UNC5D: variants seen among roughly 807,000 people sequenced by gnomAD.
UNC5D encodes the protein netrin receptor UNC5D.
A neutral mutation model predicts 105.4 loss-of-function variants in UNC5D; 39 were observed. The ratio of observed to expected loss-of-function variants is 0.37; its 90% CI spans 0.29 to 0.48. UNC5D has a LOEUF of 0.48. Among genes scored for constraint, UNC5D ranks in the 20% least tolerant of loss-of-function variants. The probability of loss-of-function intolerance (pLI) is 0.98; values close to 1 mark genes in which losing one functional copy is unlikely to be tolerated. For synonymous variants in UNC5D, 452 were observed against 450.4 expected, an observed-to-expected ratio of 1.00 and a Z score of -0.04; for missense variants, 991 against 1,202.4, an observed-to-expected ratio of 0.82 and a Z score of 2.60.
rs972359324 is a variant in UNC5D, at chr8:35,554,462, T to G, written c.322+4952T>G. On this transcript the variant is annotated intron_variant, in intron 2 of 16. Transcript: ENST00000404895. The stretch of plus-strand genomic sequence containing the variant: ...ATGGGAACTCGTCTTCCTTGTGTTG[T>G]TCTTCTGTTAACATCTGGAAGCTCA... Among the ~76,000 whole-genome samples, 5 of 152,362 alleles carry G rather than the reference T, an allele frequency of 3.3e-5. No homozygotes were observed. The East Asian group carries it at 9.7e-4, about 29-fold the overall frequency.
chr8:35,485,444 G>A (rs188821562), intron 1 of UNC5D, among the ~76,000 whole-genome samples: 241 of 152,190 alleles, frequency 1.6e-3, no homozygotes, highest in African/African-American at 5.5e-3. Context: ...TGCTACATAC[G>A]GAGTATCTCA....
intron 1 of UNC5D, among the ~76,000 whole-genome samples, chr8:35,365,241 T>A (rs1802047303): frequency 6.6e-6 from 1 of 152,122 alleles, no homozygotes; most frequent in African/African-American, 2.4e-5. Context: ...GTGTCTGGTA[T>A]ATCCCTCCTG....
At chr8:35,781,480 AAACT>A (rs1363313669) in intron 16 of UNC5D, among the ~76,000 whole-genome samples, 4 of 152,134 alleles carry the variant, frequency 2.6e-5, no homozygotes, top group Non-Finnish European at 5.9e-5. Flanking sequence ...TCCTTCCTAT[AAACT>A]AACGTTTTCA....
chr8:35,659,717 G>A (rs74682946), intron 4 of UNC5D, among the ~76,000 whole-genome samples: 1,894 of 152,320 alleles, frequency 0.012, 52 homozygotes, highest in African/African-American at 0.044. Flanking sequence ...CAGCAAGTGC[G>A]TGTTCCATGA....
chr8:35,313,982 G>C (rs1809092864), intron 1 of UNC5D, among the ~76,000 whole-genome samples: 1 of 152,136 alleles, frequency 6.6e-6, no homozygotes, highest in South Asian at 2.1e-4. Flanking sequence ...GCGCAAGAAA[G>C]GTGTCAGGAG....
At chr8:35,485,392 T>G (rs941035020) in intron 1 of UNC5D, among the ~76,000 whole-genome samples, 1 of 152,184 alleles carries the variant, frequency 6.6e-6, no homozygotes, top group Non-Finnish European at 1.5e-5. Context: ...ATTTTCAGAT[T>G]CCAGAATGTT....
chr8:35,423,581 G>T (rs1806050532), intron 1 of UNC5D, among the ~76,000 whole-genome samples: 1 of 152,152 alleles, frequency 6.6e-6, no homozygotes, highest in African/African-American at 2.4e-5. Context: ...GTAATAAACA[G>T]GAAAATGGCA....
At chr8:35,349,314 A>G (rs1812040531) in intron 1 of UNC5D, among the ~76,000 whole-genome samples, 1 of 151,992 alleles carries the variant, frequency 6.6e-6, no homozygotes, top group Non-Finnish European at 1.5e-5. Flanking sequence ...TAGCCTGCAT[A>G]TCTTTACCCA....
At chr8:35,753,204 G>A (rs1459152052) in intron 13 of UNC5D, among the ~76,000 whole-genome samples, 2 of 152,158 alleles carry the variant, frequency 1.3e-5, no homozygotes, top group African/African-American at 4.8e-5. Flanking sequence ...TTTTTAGACA[G>A]TGCTAGGGAG....
intron 1 of UNC5D, among the ~76,000 whole-genome samples, chr8:35,452,034 T>C (rs565424308): frequency 2.0e-5 from 3 of 152,292 alleles, no homozygotes; most frequent in Admixed American, 1.3e-4. Context: ...TGTTACTTCT[T>C]CCTATAGGGG....
intron 1 of UNC5D, among the ~76,000 whole-genome samples, chr8:35,388,280 C>T (rs578230421): frequency 1.3e-5 from 2 of 152,162 alleles, no homozygotes; most frequent in African/African-American, 4.8e-5. Flanking sequence ...TGGAGAATCG[C>T]TTGAACCTGG....
chr8:35,252,832 T>G, intron 1 of UNC5D, among the ~76,000 whole-genome samples: 1 of 152,178 alleles, frequency 6.6e-6, no homozygotes, highest in Non-Finnish European at 1.5e-5. Context: ...TACTGCCAAT[T>G]ATTTCAGCAA....
chr8:35,267,176 C>A (rs1319247159), intron 1 of UNC5D, among the ~76,000 whole-genome samples: 3 of 148,946 alleles, frequency 2.0e-5, no homozygotes, highest in Non-Finnish European at 3.0e-5. Context: ...CAAGTGTAAT[C>A]ACTGATTGAG....
chr8:35,347,363 T>G (rs1268671789), intron 1 of UNC5D, among the ~76,000 whole-genome samples: 1 of 152,036 alleles, frequency 6.6e-6, no homozygotes, highest in Non-Finnish European at 1.5e-5. Context: ...TTGAGGATTT[T>G]GCTTACATGT....
rs535442557 is a variant in UNC5D at position 35,250,842 on chromosome 8, C to T, written c.103+14955C>T. 4.6e-5 allele frequency among the ~76,000 whole-genome samples: 7 copies of T among 152,156 alleles called. No individual in the cohort carries two copies. The South Asian group carries it at 1.5e-3, about 32-fold the overall frequency. On this transcript the variant is annotated intron_variant, in intron 1 of 16. Coordinates refer to ENST00000404895, the MANE Select transcript of UNC5D (RefSeq NM_080872.4). The stretch of plus-strand genomic sequence containing the variant: ...CCTCCTTCCCCCACTCTAGTAGTCC[C>T]CAGTGTCTCTTGCCGCCATCTTTAT...
At chr8:35,502,440 T>G (rs1812032976) in intron 1 of UNC5D, among the ~76,000 whole-genome samples, 1 of 152,222 alleles carries the variant, frequency 6.6e-6, no homozygotes, top group African/African-American at 2.4e-5. Context: ...CTCCCTGGAC[T>G]TCAGTCCTGC....
intron 4 of UNC5D, among the ~76,000 whole-genome samples, chr8:35,621,709 C>T (rs1430866676): frequency 6.6e-6 from 1 of 151,968 alleles, no homozygotes; most frequent in African/African-American, 2.4e-5. Flanking sequence ...AGATGAATAC[C>T]ATCAGGCCAC....
intron 1 of UNC5D, among the ~76,000 whole-genome samples, chr8:35,339,365 G>A (rs1314183375): frequency 6.6e-6 from 1 of 152,198 alleles, no homozygotes. Flanking sequence ...AATACTTTGA[G>A]GTCGTGAACA....
rs181159734 is a variant in UNC5D at position 35,750,348 on chromosome 8, C to T, written c.1936-234C>T. Among the ~76,000 whole-genome samples, 561 of 151,458 alleles carry T rather than the reference C, an allele frequency of 3.7e-3. 1 individual carries two copies. Among genetic ancestry groups the T allele is most frequent in the African/African-American group, 0.013 (531 of 41,240 alleles). ...TCAGGTGATCTGCCTGCCTCAGCCT[C>T]CCAAAGTGCTGGGATTACAGGCATG... is the stretch of plus-strand genomic sequence containing the variant. On this transcript the variant is annotated intron_variant, in intron 12 of 16. Coordinates refer to ENST00000404895, the MANE Select transcript of UNC5D (RefSeq NM_080872.4).
Sources: allele counts gnomAD v4.1 joint callset (sites outside exome capture counted in the v4.1 genomes callset), GRCh38; gene constraint gnomAD v4.1.1; transcripts MANE v1.5; gene names NCBI Gene and HGNC (gene_info 2026-07-23, HGNC 2026-07-21).